The following SGCZ variants were observed in gnomAD, a reference collection of about 807,000 sequenced individuals.
SGCZ encodes the protein zeta-sarcoglycan.
SGCZ carries 40 observed loss-of-function variants against 41.3 expected under a neutral mutation model. The observed-to-expected ratio is 0.97, with a 90% CI of 0.75 to 1.26. The LOEUF (loss-of-function observed/expected upper bound fraction) is 1.26, where lower values mean the gene tolerates loss of function less well. Ranked by LOEUF, SGCZ falls within the 50% of genes most tolerant of loss-of-function variation. The pLI is 0.00. For missense variants in SGCZ, 552 were observed against 369.8 expected, an observed-to-expected ratio of 1.49 and a Z score of -4.04; for synonymous variants, 206 against 137.5, an observed-to-expected ratio of 1.50 and a Z score of -3.49.
At chr8:14,922,784 A>G (rs1045761132) in intron 1 of SGCZ, among the ~76,000 whole-genome samples, 2 of 152,228 alleles carry the variant, frequency 1.3e-5, no homozygotes, top group African/African-American at 4.8e-5. Context: ...CAATATATAC[A>G]TATTAGAGAT....
intron 1 of SGCZ, among the ~76,000 whole-genome samples, chr8:14,976,105 C>A (rs957600351): frequency 6.6e-6 from 1 of 151,204 alleles, no homozygotes; most frequent in Non-Finnish European, 1.5e-5. Flanking sequence ...TCACTGTAAC[C>A]TCTGCCTCCT....
intron 1 of SGCZ, among the ~76,000 whole-genome samples, chr8:15,045,097 T>TTATC (rs1804254085): frequency 2.0e-5 from 3 of 149,440 alleles, no homozygotes; most frequent in East Asian, 4.2e-4. Flanking sequence ...ATTTATTTAT[T>TTATC]TATTTATATG....
intron 3 of SGCZ, among the ~76,000 whole-genome samples, chr8:14,250,565 T>A (rs1248054229): frequency 6.6e-6 from 1 of 152,168 alleles, no homozygotes; most frequent in Non-Finnish European, 1.5e-5. Flanking sequence ...TAGAGCGATA[T>A]GGAACCACAC....
At chr8:14,947,348 C>T (rs531033641) in intron 1 of SGCZ, among the ~76,000 whole-genome samples, 1 of 152,150 alleles carries the variant, frequency 6.6e-6, no homozygotes, top group Non-Finnish European at 1.5e-5. Flanking sequence ...ACAGTGAGAT[C>T]GATTTAGGCT....
chr8:14,686,928 G>A lies in SGCZ; in HGVS notation c.40-132002C>T, dbSNP rs560746683. Reference sequence around the variant, plus strand: ...CATTTTCAAACTGGGTCCCTGAATTGTACTTGAGCCTTTGCAACTCACCTC... The same window carrying A: ...CATTTTCAAACTGGGTCCCTGAATTATACTTGAGCCTTTGCAACTCACCTC... On this transcript the variant is annotated intron_variant, in intron 1 of 7. Transcript: ENST00000382080. Among the ~76,000 whole-genome samples the A allele has an allele frequency of 6.0e-4, 91 of 151,898 alleles. 1 individual carries two copies. The South Asian group carries it at 0.018, about 30-fold the overall frequency.
chr8:14,584,880 C>G (rs1308608732), intron 1 of SGCZ, among the ~76,000 whole-genome samples: 2 of 151,922 alleles, frequency 1.3e-5, no homozygotes, highest in Non-Finnish European at 2.9e-5. Flanking sequence ...TAGAAAGAAA[C>G]AGAATATGTA....
chr8:14,296,261 G>A (rs903607860), intron 3 of SGCZ, among the ~76,000 whole-genome samples: 26 of 152,126 alleles, frequency 1.7e-4, no homozygotes, highest in Admixed American at 1.6e-3. Context: ...TACTCTGAAT[G>A]TATGGAAAAC....
At chr8:14,354,091 T>G (rs896858229) in intron 2 of SGCZ, among the ~76,000 whole-genome samples, 12 of 152,080 alleles carry the variant, frequency 7.9e-5, no homozygotes, top group Non-Finnish European at 1.5e-5. Flanking sequence ...ATCTTTGTTT[T>G]TCGGGAAAGG....
chr8:14,945,548 T>C (rs1388118033), intron 1 of SGCZ, among the ~76,000 whole-genome samples: 3 of 152,048 alleles, frequency 2.0e-5, no homozygotes, highest in African/African-American at 7.2e-5. Context: ...GGTGTCAGTT[T>C]GGGTGGATTA....
At chr8:14,411,080 A>T (rs1799347327) in intron 2 of SGCZ, among the ~76,000 whole-genome samples, 1 of 152,146 alleles carries the variant, frequency 6.6e-6, no homozygotes. Flanking sequence ...GATAGTAAAC[A>T]ACTCTACTAT....
intron 3 of SGCZ, among the ~76,000 whole-genome samples, chr8:14,262,491 A>G (rs1037605674): frequency 3.4e-4 from 51 of 152,092 alleles, no homozygotes; most frequent in African/African-American, 9.9e-4. Flanking sequence ...CCCACATGTG[A>G]CAAATAGCCA....
At chr8:15,040,951 A>G (rs1163566926) in intron 1 of SGCZ, among the ~76,000 whole-genome samples, 3 of 152,132 alleles carry the variant, frequency 2.0e-5, no homozygotes. Context: ...AAAAGTGTCT[A>G]ATACGTTTAT....
intron 1 of SGCZ, among the ~76,000 whole-genome samples, chr8:15,023,828 A>C (rs1235631661): frequency 7.9e-5 from 12 of 152,136 alleles, no homozygotes; most frequent in Admixed American, 6.5e-5. Flanking sequence ...ATAAAACACT[A>C]AGTGATCTAC....
At chr8:14,542,557 C>G (rs1377273194) in intron 2 of SGCZ, among the ~76,000 whole-genome samples, 2 of 152,046 alleles carry the variant, frequency 1.3e-5, no homozygotes, top group East Asian at 3.9e-4. Flanking sequence ...TTACTTAGAG[C>G]ACCGAGCTAT....
chr8:14,844,898 A>C (rs1803047285), intron 1 of SGCZ, among the ~76,000 whole-genome samples: 1 of 152,290 alleles, frequency 6.6e-6, no homozygotes, highest in Non-Finnish European at 1.5e-5. Context: ...CTCATCTTAC[A>C]GCTGTGACAG....
At chr8:14,518,440 T>C (rs913347156) in intron 2 of SGCZ, among the ~76,000 whole-genome samples, 15 of 152,144 alleles carry the variant, frequency 9.9e-5, no homozygotes, top group African/African-American at 3.6e-4. Flanking sequence ...CTTTATTCCA[T>C]GTGTAATATT....
chr8:14,799,848 T>G (rs997533155), intron 1 of SGCZ, among the ~76,000 whole-genome samples: 1 of 152,170 alleles, frequency 6.6e-6, no homozygotes, highest in African/African-American at 2.4e-5. Context: ...TGTAGTCTTA[T>G]AGCTAAGCAT....
chr8:14,702,833 A>G (rs1240013789), intron 1 of SGCZ, among the ~76,000 whole-genome samples: 1 of 79,458 alleles, frequency 1.3e-5, no homozygotes, highest in Non-Finnish European at 3.1e-5. Flanking sequence ...AGATAGATAG[A>G]TAGATAGATA....
At chr8:14,637,310 AT>A (rs61226810) in intron 1 of SGCZ, among the ~76,000 whole-genome samples, 53,001 of 147,514 alleles carry the variant, frequency 0.36, 9,543 homozygotes, top group East Asian at 0.63. Context: ...CTCTATTTTC[AT>A]TTTTTTTTTT....
Sources: allele counts gnomAD v4.1 joint callset (sites outside exome capture counted in the v4.1 genomes callset), GRCh38; gene constraint gnomAD v4.1.1; transcripts MANE v1.5; gene names NCBI Gene and HGNC (gene_info 2026-07-23, HGNC 2026-07-21).